The following FMN2 variants were observed in gnomAD, a reference collection of about 807,000 sequenced individuals.
The protein encoded by FMN2 is formin 2.
Under a neutral mutation model 142.3 loss-of-function variants are expected in FMN2, and 51 were observed. That is an observed-to-expected ratio of 0.36 (90% CI 0.29 to 0.45). FMN2 has a LOEUF of 0.45. Ranked by LOEUF, FMN2 falls within the 20% of genes least tolerant of loss-of-function variation. The pLI is 1.00. For missense variants in FMN2, 1,936 were observed against 2,122.8 expected (o/e 0.91, Z 1.73); for synonymous variants, 882 against 869.8 (o/e 1.01, Z -0.25).
intron 2 of FMN2, among the ~76,000 whole-genome samples, chr1:240,174,904 A>G (rs1000324993): frequency 1.7e-4 from 26 of 152,214 alleles, no homozygotes; most frequent in African/African-American, 6.3e-4. Flanking sequence ...GTATATTCAC[A>G]TTGTTGTGCA....
chr1:240,387,396 C>T (rs1673442121), intron 14 of FMN2, among the ~76,000 whole-genome samples: 1 of 152,142 alleles, frequency 6.6e-6, no homozygotes. Context: ...TTTTAGATTT[C>T]ATCAGGTTCT....
chr1:240,452,526 C>T (rs887372608), intron 16 of FMN2, among the ~76,000 whole-genome samples: 12 of 151,914 alleles, frequency 7.9e-5, no homozygotes, highest in South Asian at 2.1e-4. Context: ...CTTTACGAGA[C>T]GGGTTTATTT....
intron 15 of FMN2, among the ~76,000 whole-genome samples, chr1:240,415,680 A>G (rs1258592073): frequency 6.6e-6 from 1 of 152,212 alleles, no homozygotes; most frequent in African/African-American, 2.4e-5. Context: ...TGAGGAAAGC[A>G]TTAGTCATAA....
chr1:240,305,831 G>A (rs4659571), intron 8 of FMN2, among the ~76,000 whole-genome samples: 31,358 of 151,988 alleles, frequency 0.21, 3,503 homozygotes, highest in Admixed American at 0.33. Flanking sequence ...ATTATTACAT[G>A]AAAAGGTCAT....
intron 6 of FMN2, among the ~76,000 whole-genome samples, chr1:240,220,886 GGCCCC>G (rs1013940573): frequency 9.9e-5 from 15 of 151,898 alleles, no homozygotes; most frequent in Non-Finnish European, 1.9e-4. Flanking sequence ...CCCCACGACA[GGCCCC>G]GGTGTGTGAT....
At chr1:240,259,257 T>C (rs181672337) in intron 7 of FMN2, among the ~76,000 whole-genome samples, 5 of 152,282 alleles carry the variant, frequency 3.3e-5, no homozygotes, top group Admixed American at 2.0e-4. Context: ...AGTCAAATAT[T>C]CAACTCGGGT....
chr1:240,453,544 A>T (rs955117685), intron 16 of FMN2, among the ~76,000 whole-genome samples: 11 of 152,192 alleles, frequency 7.2e-5, no homozygotes, highest in Admixed American at 2.6e-4. Flanking sequence ...GGAAATTACT[A>T]CTATTATTAT....
chr1:240,326,262 G>C (rs939742376), intron 8 of FMN2, among the ~76,000 whole-genome samples: 41 of 152,282 alleles, frequency 2.7e-4, no homozygotes, highest in African/African-American at 9.6e-4. Flanking sequence ...CATAGATAAA[G>C]TGACAGTTCC....
intron 4 of FMN2, among the ~76,000 whole-genome samples, chr1:240,205,779 C>T (rs1361596235): frequency 6.6e-6 from 1 of 150,890 alleles, no homozygotes; most frequent in Non-Finnish European, 1.5e-5. Context: ...TCTTTCTACT[C>T]AAAACGTTTT....
intron 14 of FMN2, among the ~76,000 whole-genome samples, chr1:240,384,930 A>G (rs1673361665): frequency 1.3e-5 from 2 of 152,320 alleles, no homozygotes; most frequent in African/African-American, 4.8e-5. Context: ...TCTCTAAAAC[A>G]TCTACATGTA....
intron 16 of FMN2, 65 bp from the exon 17 acceptor site, chr1:240,472,307 C>A: frequency 8.5e-7 from 1 of 1,171,950 alleles, no homozygotes; most frequent in Non-Finnish European, 1.3e-6. Flanking sequence ...TGCTCACTTA[C>A]TATAAGGTAG....
intron 16 of FMN2, among the ~76,000 whole-genome samples, chr1:240,464,181 AATTT>A (rs974615727): frequency 6.6e-6 from 1 of 152,114 alleles, no homozygotes; most frequent in Non-Finnish European, 1.5e-5. Context: ...ATGTGTGTAC[AATTT>A]ATTTGTTTTG....
At chr1:240,277,667 G>T (rs1345067116) in intron 7 of FMN2, among the ~76,000 whole-genome samples, 3 of 151,034 alleles carry the variant, frequency 2.0e-5, no homozygotes, top group African/African-American at 7.3e-5. Context: ...CAAGTAACTG[G>T]GATTACAGGC....
intron 7 of FMN2, among the ~76,000 whole-genome samples, chr1:240,264,758 C>A (rs576598745): frequency 6.6e-6 from 1 of 152,112 alleles, no homozygotes; most frequent in Non-Finnish European, 1.5e-5. Flanking sequence ...ATATGTGCCA[C>A]GTTTTCTTTA....
At chr1:240,371,476 GT>G (rs375308253) in intron 14 of FMN2, among the ~76,000 whole-genome samples, 1 of 151,804 alleles carries the variant, frequency 6.6e-6, no homozygotes, top group African/African-American at 2.4e-5. Context: ...GAATCTTCCA[GT>G]TTTTTTTGAA....
chr1:240,325,343 C>CAAAAAAAA (rs5782134), intron 8 of FMN2, among the ~76,000 whole-genome samples: 12 of 108,068 alleles, frequency 1.1e-4, no homozygotes, highest in East Asian at 2.7e-4. Flanking sequence ...ACCCTGTCTC[C>CAAAAAAAA]AAAAAAAAAA....
chr1:240,171,174 T>A (rs920206676), intron 2 of FMN2: 25 of 866,854 alleles, frequency 2.9e-5, no homozygotes, highest in Non-Finnish European at 4.6e-5. Flanking sequence ...TATCTGAATA[T>A]GTGTCTAAAA....
intron 13 of FMN2, among the ~76,000 whole-genome samples, chr1:240,335,582 A>G (rs557356289): frequency 1.3e-5 from 2 of 152,242 alleles, no homozygotes; most frequent in East Asian, 3.9e-4. Context: ...ACTTCAATCA[A>G]TAGTTCAGTC....
At chr1:240,215,729 A>G (rs35335968) in intron 6 of FMN2, among the ~76,000 whole-genome samples, 6,357 of 151,936 alleles carry the variant, frequency 0.042, 311 homozygotes, top group African/African-American at 0.12. Flanking sequence ...CTTTTTTTTA[A>G]ATGGAGTCTC....
Sources: gnomAD v4.1 joint callset for allele counts (sites outside exome capture counted in the v4.1 genomes callset) on GRCh38, gnomAD v4.1.1 for gene constraint, MANE v1.5 for transcripts, NCBI Gene and HGNC (gene_info 2026-07-23, HGNC 2026-07-21) for gene names.